FOXP2: variants seen among roughly 807,000 people sequenced by gnomAD.
The protein encoded by FOXP2 is forkhead box protein P2.
FOXP2 carries 12 observed loss-of-function variants against 115.8 expected under a neutral mutation model. The observed-to-expected ratio is 0.10, with a 90% confidence interval of 0.07 to 0.17. The LOEUF (loss-of-function observed/expected upper bound fraction) is 0.17, where lower values mean the gene tolerates loss of function less well. Among genes scored for constraint, FOXP2 ranks in the 10% least tolerant of loss-of-function variants. The pLI is 1.00. For synonymous variants in FOXP2, 328 were observed against 297.7 expected (o/e 1.10, Z -1.05); for missense variants, 629 against 843.5 (o/e 0.75, Z 3.15).
intron 1 of FOXP2, among the ~76,000 whole-genome samples, chr7:114,252,478 T>C (rs1053111336): frequency 2.6e-5 from 4 of 152,216 alleles, no homozygotes; most frequent in African/African-American, 4.8e-5. Flanking sequence ...GTGCCTGTTA[T>C]TGGTCTATTC....
intron 1 of FOXP2, among the ~76,000 whole-genome samples, chr7:114,249,794 T>G (rs941667037): frequency 5.9e-5 from 9 of 151,876 alleles, no homozygotes; most frequent in Non-Finnish European, 1.2e-4. Flanking sequence ...TTTTTTTTTG[T>G]TTTTTTGTTT....
chr7:114,415,757 G>A (rs1793312078), intron 1 of FOXP2, among the ~76,000 whole-genome samples: 1 of 151,894 alleles, frequency 6.6e-6, no homozygotes, highest in Admixed American at 6.6e-5. Flanking sequence ...TTTTGAAAAG[G>A]GAGTTTGACC....
chr7:114,327,314 G>T (rs899297668), intron 2 of FOXP2, among the ~76,000 whole-genome samples: 2 of 152,106 alleles, frequency 1.3e-5, no homozygotes, highest in Non-Finnish European at 2.9e-5. Flanking sequence ...ATGAATGAGT[G>T]AATGAACAAA....
At chr7:114,346,239 T>C (rs770356661) in intron 2 of FOXP2, among the ~76,000 whole-genome samples, 21 of 151,822 alleles carry the variant, frequency 1.4e-4, no homozygotes, top group Admixed American at 1.1e-3. Flanking sequence ...ATAATCCTGT[T>C]ATTTTGTATA....
intron 1 of FOXP2, among the ~76,000 whole-genome samples, chr7:114,183,458 G>A (rs535412077): frequency 1.1e-4 from 16 of 152,062 alleles, no homozygotes; most frequent in Non-Finnish European, 7.4e-5. Flanking sequence ...GTTAATTCAA[G>A]ACTGTTAAGA....
At chr7:114,550,045 G>C (rs917311726) in intron 3 of FOXP2, among the ~76,000 whole-genome samples, 1 of 151,378 alleles carries the variant, frequency 6.6e-6, no homozygotes, top group African/African-American at 2.4e-5. Context: ...GTATATGGTA[G>C]ACTGGGTGCA....
intron 4 of FOXP2, chr7:114,629,041 T>G (rs1412098264): frequency 1.3e-5 from 3 of 234,442 alleles, no homozygotes; most frequent in African/African-American, 2.3e-5. Context: ...TTAGCATTCC[T>G]TTTAGTTCAC....
chr7:114,391,395 T>C (rs974116354), intron 2 of FOXP2, among the ~76,000 whole-genome samples: 10 of 152,192 alleles, frequency 6.6e-5, no homozygotes, highest in Admixed American at 1.3e-4. Context: ...CTAAGTATTT[T>C]ACTCAAGATG....
intron 3 of FOXP2, among the ~76,000 whole-genome samples, chr7:114,575,844 TTAAC>T (rs2129298512): frequency 6.6e-6 from 1 of 152,034 alleles, no homozygotes; most frequent in South Asian, 2.1e-4. Flanking sequence ...GTTGACAGTT[TTAAC>T]TAACATGCTG....
At chr7:114,620,405 C>T (rs1023930904) in intron 3 of FOXP2, among the ~76,000 whole-genome samples, 4 of 151,990 alleles carry the variant, frequency 2.6e-5, no homozygotes, top group African/African-American at 9.7e-5. Context: ...AGTGGGAAAC[C>T]TTTCAAAGTG....
chr7:114,183,607 C>T (rs931398170), intron 1 of FOXP2, among the ~76,000 whole-genome samples: 1 of 152,066 alleles, frequency 6.6e-6, no homozygotes, highest in Non-Finnish European at 1.5e-5. Context: ...AATAATGTAA[C>T]TGAAAGTTCT....
chr7:114,193,789 A>G (rs532495509), intron 1 of FOXP2, among the ~76,000 whole-genome samples: 47 of 152,262 alleles, frequency 3.1e-4, no homozygotes, highest in African/African-American at 1.1e-3. Context: ...GGTATGGTAC[A>G]TCTTTTATTT....
chr7:114,477,341 A>C (rs1203587079), intron 2 of FOXP2, among the ~76,000 whole-genome samples: 1 of 152,004 alleles, frequency 6.6e-6, no homozygotes, highest in Non-Finnish European at 1.5e-5. Context: ...AAATGAATGA[A>C]ATCATGTCTT....
chr7:114,494,116 A>G (rs1417712997), intron 2 of FOXP2, among the ~76,000 whole-genome samples: 1 of 152,126 alleles, frequency 6.6e-6, no homozygotes, highest in African/African-American at 2.4e-5. Context: ...CAAGAGATAT[A>G]CATATTTTAC....
At chr7:114,677,186 A>C (rs550952906) in intron 16 of FOXP2, among the ~76,000 whole-genome samples, 1 of 141,786 alleles carries the variant, frequency 7.1e-6, no homozygotes, top group African/African-American at 2.5e-5. Context: ...AAAAAAAAAA[A>C]CAAAAAAAAC....
chr7:114,493,086 G>A (rs998963275), intron 2 of FOXP2, among the ~76,000 whole-genome samples: 1 of 152,054 alleles, frequency 6.6e-6, no homozygotes, highest in Non-Finnish European at 1.5e-5. Flanking sequence ...TACGAATCTG[G>A]GTGCTCCTGT....
chr7:114,219,382 T>C lies in FOXP2; in HGVS notation c.-102+56294T>C, dbSNP rs146162256. Among the ~76,000 whole-genome samples the C allele has an allele frequency of 1.2e-3, 186 of 152,268 alleles. 4 individuals carry two copies. The East Asian group carries it at 0.032, about 26-fold the overall frequency. On this transcript the variant is annotated intron_variant, in intron 1 of 17. Coordinates refer to the FOXP2 transcript ENST00000634411. ...AACTTTAAAAGAGTATGTTAATATA[T>C]GATCTTTACCTTTTAGAACAGTATT...
intron 2 of FOXP2, among the ~76,000 whole-genome samples, chr7:114,503,240 T>A (rs1797648610): frequency 6.6e-6 from 1 of 151,908 alleles, no homozygotes; most frequent in African/African-American, 2.4e-5. Context: ...TGACAGCAAA[T>A]TTGACCTGAC....
At chr7:114,651,603 T>A (rs1467325536) in intron 8 of FOXP2, among the ~76,000 whole-genome samples, 1 of 152,104 alleles carries the variant, frequency 6.6e-6, no homozygotes, top group Non-Finnish European at 1.5e-5. Context: ...AGGACAAATG[T>A]CTCCTAGTTA....
Sources: gnomAD v4.1 joint callset for allele counts (sites outside exome capture counted in the v4.1 genomes callset) on GRCh38, gnomAD v4.1.1 for gene constraint, MANE v1.5 for transcripts, NCBI Gene and HGNC (gene_info 2026-07-23, HGNC 2026-07-21) for gene names.